Variants in EPHA6 observed in about 807,000 individuals in gnomAD.
EPHA6 encodes the protein EPH receptor A6, also known as ephrin type-A receptor 6.
EPHA6 carries 50 observed loss-of-function variants against 112.0 expected under a neutral mutation model. The observed-to-expected ratio is 0.45, with a 90% CI of 0.36 to 0.56. The LOEUF is 0.56. EPHA6 is among the 20% of genes least tolerant of loss of function. The pLI, the probability that EPHA6 is intolerant of heterozygous loss-of-function variation, is 0.00. For missense variants in EPHA6, 1,280 were observed against 1,417.4 expected (o/e 0.90, Z 1.56); for synonymous variants, 529 against 490.7 (o/e 1.08, Z -1.03).
chr3:96,869,223 G>A (rs2036499625), intron 2 of EPHA6, among the ~76,000 whole-genome samples: 1 of 151,932 alleles, frequency 6.6e-6, no homozygotes, highest in South Asian at 2.1e-4. Context: ...CCCTCAAGGG[G>A]TATTGAAGCA....
At chr3:97,712,082 A>T (rs2033995663) in intron 14 of EPHA6, among the ~76,000 whole-genome samples, 1 of 152,240 alleles carries the variant, frequency 6.6e-6, no homozygotes, top group African/African-American at 2.4e-5. Context: ...CAATATTAAC[A>T]ATTGCCAATG....
chr3:96,938,099 T>G (rs1217491826), intron 2 of EPHA6, among the ~76,000 whole-genome samples: 108 of 143,464 alleles, frequency 7.5e-4, no homozygotes, highest in African/African-American at 1.9e-3. Flanking sequence ...GGGCTCTTTT[T>G]TGGTTCCATA....
intron 15 of EPHA6, among the ~76,000 whole-genome samples, chr3:97,721,259 A>T (rs1238652727): frequency 6.6e-6 from 1 of 152,124 alleles, no homozygotes; most frequent in Non-Finnish European, 1.5e-5. Context: ...GCCACATCTC[A>T]TTTATTTTTG....
intron 2 of EPHA6, among the ~76,000 whole-genome samples, chr3:96,961,494 G>A (rs1172983034): frequency 2.0e-5 from 3 of 152,168 alleles, no homozygotes; most frequent in Non-Finnish European, 2.9e-5. Flanking sequence ...TGAGTTGGAG[G>A]TTGGCTAAAT....
chr3:97,276,675 G>A (rs888682686), intron 5 of EPHA6, among the ~76,000 whole-genome samples: 2 of 152,100 alleles, frequency 1.3e-5, no homozygotes, highest in African/African-American at 4.8e-5. Context: ...GAGCGGATTG[G>A]GTAATAAAAT....
At chr3:96,929,806 T>G (rs1008925499) in intron 2 of EPHA6, among the ~76,000 whole-genome samples, 2 of 152,190 alleles carry the variant, frequency 1.3e-5, no homozygotes, top group African/African-American at 4.8e-5. Context: ...CTGGATGATA[T>G]TCTGAAGTGT....
chr3:97,223,866 T>C (rs1030179186), intron 3 of EPHA6, among the ~76,000 whole-genome samples: 10 of 152,170 alleles, frequency 6.6e-5, no homozygotes, highest in Non-Finnish European at 1.3e-4. Context: ...GGTCGGAAAT[T>C]ATAAAAAATT....
chr3:97,736,177 T>C lies in EPHA6; in HGVS notation c.3128+59T>C, dbSNP rs2035243629. ...GACAATTATGGTTTCTTTCAGGCTA[T>C]AGATAATAATAACAGGTAGAAAGGA... On this transcript the variant is annotated intron_variant, in intron 16 of 17. Coordinates refer to ENST00000389672, the MANE Select transcript of EPHA6 (RefSeq NM_001080448.3). 6.4e-6 allele frequency: 9 copies of C among 1,403,988 alleles called. No homozygotes were observed. The East Asian group carries it at 1.9e-4, about 29-fold the overall frequency. 87.0% of individuals were successfully genotyped at this position (1,403,988 alleles called of 1,614,324 possible).
At chr3:97,701,452 G>A (rs982793622) in intron 14 of EPHA6, among the ~76,000 whole-genome samples, 7 of 152,062 alleles carry the variant, frequency 4.6e-5, no homozygotes, top group African/African-American at 1.2e-4. Context: ...TCCTGAATTG[G>A]AGTGCATTAA....
intron 14 of EPHA6, among the ~76,000 whole-genome samples, chr3:97,677,363 T>C (rs2031480837): frequency 6.6e-6 from 1 of 152,136 alleles, no homozygotes; most frequent in Non-Finnish European, 1.5e-5. Flanking sequence ...ACAGGATCAA[T>C]GGATTCCTGG....
intron 3 of EPHA6, among the ~76,000 whole-genome samples, chr3:97,136,016 A>T (rs2075760614): frequency 6.6e-6 from 1 of 152,168 alleles, no homozygotes; most frequent in Admixed American, 6.5e-5. Flanking sequence ...TTGGATCTAA[A>T]CCTGAAAGTT....
In EPHA6 at chr3:97,613,914, C is replaced by G. The variant is rs142881454; in HGVS notation, c.2574+3060C>G. On this transcript the variant is annotated intron_variant, in intron 13 of 17. Transcript: ENST00000389672. ...AATTAAATGTAACCTTGACCATTATCCCCATACAGGCTTTTTCCAGCTACA... is the reference window on the plus strand; with the variant it reads ...AATTAAATGTAACCTTGACCATTATGCCCATACAGGCTTTTTCCAGCTACA... Among the ~76,000 whole-genome samples the G allele has an allele frequency of 2.2e-3, 336 of 152,226 alleles. 2 individuals carry two copies. The highest frequency in any genetic ancestry group is 7.8e-3 in the African/African-American group (326 of 41,540).
chr3:96,881,085 G>A (rs2037286622), intron 2 of EPHA6, among the ~76,000 whole-genome samples: 1 of 152,006 alleles, frequency 6.6e-6, no homozygotes, highest in South Asian at 2.1e-4. Context: ...AGCTTTACAT[G>A]GAACCACCAA....
chr3:97,275,004 G>A (rs1449250019), intron 5 of EPHA6, among the ~76,000 whole-genome samples: 2 of 152,306 alleles, frequency 1.3e-5, no homozygotes, highest in Non-Finnish European at 2.9e-5. Flanking sequence ...TAGAGAGTGA[G>A]TTGAGCATAG....
chr3:97,322,410 G>C (rs532155353), intron 5 of EPHA6, among the ~76,000 whole-genome samples: 3 of 152,040 alleles, frequency 2.0e-5, no homozygotes, highest in African/African-American at 7.2e-5. Context: ...GCAGAGAAAA[G>C]TACTGCTAAT....
intron 3 of EPHA6, among the ~76,000 whole-genome samples, chr3:97,026,402 A>G (rs1373634379): frequency 6.6e-6 from 1 of 152,162 alleles, no homozygotes; most frequent in African/African-American, 2.4e-5. Context: ...ATCCATGAGC[A>G]TGGAATGTTT....
chr3:96,910,361 T>A (rs1472410603), intron 2 of EPHA6, among the ~76,000 whole-genome samples: 1 of 152,072 alleles, frequency 6.6e-6, no homozygotes, highest in African/African-American at 2.4e-5. Flanking sequence ...TGCCTGATAA[T>A]TGATCTCTCT....
chr3:97,019,233 C>T (rs1447897392), intron 3 of EPHA6, among the ~76,000 whole-genome samples: 1 of 152,120 alleles, frequency 6.6e-6, no homozygotes, highest in Non-Finnish European at 1.5e-5. Flanking sequence ...GGGTGGCTTG[C>T]CGCCCACATT....
intron 3 of EPHA6, among the ~76,000 whole-genome samples, chr3:97,045,730 C>T (rs981290544): frequency 6.6e-6 from 1 of 151,926 alleles, no homozygotes; most frequent in Non-Finnish European, 1.5e-5. Context: ...ATACTTTGTA[C>T]GTTTTTTGAA....
Sources: allele counts gnomAD v4.1 joint callset (sites outside exome capture counted in the v4.1 genomes callset), GRCh38; gene constraint gnomAD v4.1.1; transcripts MANE v1.5; gene names NCBI Gene and HGNC (gene_info 2026-07-23, HGNC 2026-07-21).